Variants in WASHC3 observed in about 807,000 individuals in gnomAD.
The protein encoded by WASHC3 is WASH complex subunit 3.
A neutral mutation model predicts 26.1 loss-of-function variants in WASHC3; 24 were observed. The ratio of observed to expected loss-of-function variants is 0.92; its 90% CI spans 0.66 to 1.29. The LOEUF (loss-of-function observed/expected upper bound fraction) is 1.29. Among genes scored for constraint, WASHC3 ranks in the 50% most tolerant of loss-of-function variants. The pLI is 0.00. For synonymous variants in WASHC3, 77 were observed against 75.7 expected (o/e 1.02, Z -0.09); for missense variants, 214 against 229.6 (o/e 0.93, Z 0.44).
At chr12:102,061,028 C>CT (rs1465565514) in intron 2 of WASHC3, among the ~76,000 whole-genome samples, 1 of 151,180 alleles carries the variant, frequency 6.6e-6, no homozygotes, top group African/African-American at 2.4e-5. Flanking sequence ...CCTGACTGAC[C>CT]TATCTCACAG....
chr12:102,023,384 G>A (rs982900185), intron 6 of WASHC3, among the ~76,000 whole-genome samples: 1 of 151,956 alleles, frequency 6.6e-6, no homozygotes, highest in South Asian at 2.1e-4. Flanking sequence ...ACTACCTAAA[G>A]CTAATAAAAA....
At chr12:102,047,757 ATTTTTCTG>A (rs1167157603) in intron 2 of WASHC3, among the ~76,000 whole-genome samples, 1 of 152,132 alleles carries the variant, frequency 6.6e-6, no homozygotes, top group African/African-American at 2.4e-5. Context: ...GGAATTAAAA[ATTTTTCTG>A]TTTTAATATA....
intron 2 of WASHC3, among the ~76,000 whole-genome samples, chr12:102,059,441 T>C (rs1330604453): frequency 1.3e-5 from 2 of 152,164 alleles, no homozygotes; most frequent in East Asian, 3.8e-4. Context: ...AGTACTAGAA[T>C]ACAGATACAG....
chr12:102,050,622 G>A (rs1207436904), intron 2 of WASHC3: 2 of 451,888 alleles, frequency 4.4e-6, no homozygotes, highest in South Asian at 1.6e-5. Flanking sequence ...CAGCCTCGGT[G>A]ATACAGCAAG....
chr12:102,053,009 C>T (rs76976816), intron 2 of WASHC3, among the ~76,000 whole-genome samples: 5,671 of 152,146 alleles, frequency 0.037, 146 homozygotes, highest in African/African-American at 0.068. Flanking sequence ...CCAGCAGACC[C>T]AGAGTCTGGG....
chr12:102,018,680 A>G (rs769235908), intron 6 of WASHC3, among the ~76,000 whole-genome samples: 1 of 152,178 alleles, frequency 6.6e-6, no homozygotes, highest in Non-Finnish European at 1.5e-5. Context: ...TTGTTGCCCA[A>G]TCTGGTTTAG....
intron 6 of WASHC3, among the ~76,000 whole-genome samples, chr12:102,018,728 C>T (rs990657133): frequency 5.3e-5 from 8 of 152,208 alleles, no homozygotes; most frequent in Non-Finnish European, 1.2e-4. Flanking sequence ...CCTTGGCCTC[C>T]CAAAGTGTTG....
intron 2 of WASHC3, among the ~76,000 whole-genome samples, chr12:102,058,877 A>G (rs1424751434): frequency 3.3e-5 from 5 of 152,220 alleles, no homozygotes; most frequent in Non-Finnish European, 7.4e-5. Context: ...CTTAAAAAAG[A>G]ATGAAATCCT....
At chr12:102,040,733 A>T (rs533082896) in intron 4 of WASHC3, among the ~76,000 whole-genome samples, 3 of 152,064 alleles carry the variant, frequency 2.0e-5, no homozygotes, top group African/African-American at 7.2e-5. Context: ...TGCATATGAG[A>T]ACCATATCCT....
intron 5 of WASHC3, among the ~76,000 whole-genome samples, chr12:102,032,044 G>T (rs1877461323): frequency 6.6e-6 from 1 of 152,150 alleles, no homozygotes; most frequent in South Asian, 2.1e-4. Flanking sequence ...GTCATCTAAA[G>T]AACATGCTAC....
At chr12:102,053,582 A>G (rs559990780) in intron 2 of WASHC3, among the ~76,000 whole-genome samples, 1 of 152,364 alleles carries the variant, frequency 6.6e-6, no homozygotes, top group South Asian at 2.1e-4. Context: ...ACTACTAAAG[A>G]AACAAATCAC....
At chr12:102,034,222 C>T (rs1877556340) in intron 5 of WASHC3, among the ~76,000 whole-genome samples, 1 of 152,042 alleles carries the variant, frequency 6.6e-6, no homozygotes, top group Non-Finnish European at 1.5e-5. Flanking sequence ...TCAGAGTGAA[C>T]AACTGATTAG....
intron 6 of WASHC3, among the ~76,000 whole-genome samples, chr12:102,024,627 A>T (rs908249893): frequency 2.0e-5 from 3 of 152,228 alleles, no homozygotes; most frequent in Non-Finnish European, 4.4e-5. Context: ...TATCCAGCAT[A>T]TGCTGATGCT....
At chr12:102,037,561 G>A (rs1271510078) in intron 5 of WASHC3, among the ~76,000 whole-genome samples, 1 of 152,128 alleles carries the variant, frequency 6.6e-6, no homozygotes, top group Non-Finnish European at 1.5e-5. Context: ...TGAAGCAAAG[G>A]CCCTGAGACA....
chr12:102,047,083 T>A (rs1363698608), intron 2 of WASHC3, among the ~76,000 whole-genome samples: 1 of 152,218 alleles, frequency 6.6e-6, no homozygotes, highest in Non-Finnish European at 1.5e-5. Flanking sequence ...TCAATGTACC[T>A]CTGTGTAAAT....
At chr12:102,023,659 A>G (rs896713346) in intron 6 of WASHC3, among the ~76,000 whole-genome samples, 1 of 152,174 alleles carries the variant, frequency 6.6e-6, no homozygotes, top group Non-Finnish European at 1.5e-5. Flanking sequence ...AGCTAAATGC[A>G]GTTGAAACTG....
intron 4 of WASHC3, among the ~76,000 whole-genome samples, chr12:102,042,606 A>G (rs1877984191): frequency 6.6e-6 from 1 of 152,202 alleles, no homozygotes; most frequent in Non-Finnish European, 1.5e-5. Context: ...GATTGATAAT[A>G]TGGTGCTTAC....
chr12:102,029,856 G>C (rs988933250), intron 5 of WASHC3, among the ~76,000 whole-genome samples: 2 of 152,074 alleles, frequency 1.3e-5, no homozygotes, highest in African/African-American at 2.4e-5. Flanking sequence ...TGCAGAGCAC[G>C]GGAACTAGTA....
intron 5 of WASHC3, among the ~76,000 whole-genome samples, chr12:102,034,781 AGTGTGTGTGTGTGTGTGT>A (rs60815635): frequency 2.1e-5 from 3 of 146,170 alleles, no homozygotes; most frequent in Admixed American, 6.8e-5. Flanking sequence ...CCTAAAAAAA[AGTGTGTGTGTGTGTGTGT>A]GTGTGTGTGT....
Sources: gnomAD v4.1 joint callset for allele counts (sites outside exome capture counted in the v4.1 genomes callset) on GRCh38, gnomAD v4.1.1 for gene constraint, MANE v1.5 for transcripts, NCBI Gene and HGNC (gene_info 2026-07-23, HGNC 2026-07-21) for gene names.